Variants in BANP observed in about 807,000 individuals in gnomAD.
BANP encodes the protein protein BANP.
Under a neutral mutation model 68.1 loss-of-function variants are expected in BANP, and 11 were observed. The ratio of observed to expected loss-of-function variants is 0.16; its 90% CI spans 0.10 to 0.27. BANP has a LOEUF of 0.27. Among genes scored for constraint, BANP ranks in the 10% least tolerant of loss-of-function variants. The probability of loss-of-function intolerance (pLI) is 1.00; values close to 1 mark genes in which losing one functional copy is unlikely to be tolerated. For missense variants in BANP, 504 were observed against 722.7 expected, an observed-to-expected ratio of 0.70 and a Z score of 3.47; for synonymous variants, 329 against 303.2, an observed-to-expected ratio of 1.09 and a Z score of -0.88.
At chr16:88,050,865 T>G (rs984048601) in intron 11 of BANP, among the ~76,000 whole-genome samples, 2 of 151,996 alleles carry the variant, frequency 1.3e-5, no homozygotes, top group African/African-American at 4.8e-5. Context: ...TTTTTTTATT[T>G]TTATAGAGAC....
intron 6 of BANP, among the ~76,000 whole-genome samples, chr16:88,015,088 G>A (rs1439067878): frequency 7.4e-6 from 1 of 135,246 alleles, no homozygotes; most frequent in Admixed American, 7.4e-5. Flanking sequence ...TCCTCTGCCT[G>A]TCCCCTCTGC....
chr16:88,070,750 ATTT>A (rs1309391086), intron 12 of BANP, among the ~76,000 whole-genome samples: 2 of 152,074 alleles, frequency 1.3e-5, no homozygotes, highest in African/African-American at 4.8e-5. Context: ...GGCACAAAAT[ATTT>A]TTTTGCATTT....
intron 11 of BANP, among the ~76,000 whole-genome samples, chr16:88,060,418 G>C (rs1172137054): frequency 6.6e-6 from 1 of 152,238 alleles, no homozygotes; most frequent in African/African-American, 2.4e-5. Context: ...AGGGAGATCA[G>C]CTGACGTTGG....
rs374490211 is a variant in BANP at position 88,046,878 on chromosome 16, A to G, written c.1311+8867A>G. 1.5e-3 allele frequency among the ~76,000 whole-genome samples: 229 copies of G among 152,134 alleles called. 2 individuals carry two copies. Among genetic ancestry groups the G allele is most frequent in the African/African-American group, 5.4e-3 (226 of 41,502 alleles). The stretch of plus-strand genomic sequence containing the variant: ...TCAGGAGATCGAGACCGTCCTGGCT[A>G]ACACGGTGAAACCCCGTCTCTACTA... On this transcript the variant is annotated intron_variant, in intron 11 of 13. Coordinates refer to ENST00000682872, the MANE Select transcript of BANP (RefSeq NM_001386991.1).
At chr16:88,021,518 G>A (rs1452396556) in intron 7 of BANP, among the ~76,000 whole-genome samples, 2 of 152,206 alleles carry the variant, frequency 1.3e-5, no homozygotes, top group Non-Finnish European at 2.9e-5. Context: ...ATGGACCAGG[G>A]CTGTGCCTTC....
At chr16:88,070,431 T>C (rs2090010970) in intron 12 of BANP, among the ~76,000 whole-genome samples, 1 of 152,194 alleles carries the variant, frequency 6.6e-6, no homozygotes, top group Non-Finnish European at 1.5e-5. Context: ...ATATTCCTTC[T>C]TGTATAGCAT....
chr16:87,997,151 G>T (rs563152561), intron 4 of BANP, among the ~76,000 whole-genome samples: 1 of 152,206 alleles, frequency 6.6e-6, no homozygotes, highest in Non-Finnish European at 1.5e-5. Flanking sequence ...TAGAAATGGG[G>T]TCTCACTGTG....
At position 87,989,436 on chromosome 16, in the gene BANP, C is replaced by T. The variant is rs192037684; in HGVS notation, c.362+5177C>T. Reference sequence around the variant, plus strand: ...GGGATCCAGGGCACGCACATGCTCACGTTTATATAGGTAAATGTTAACATC... The same window carrying T: ...GGGATCCAGGGCACGCACATGCTCATGTTTATATAGGTAAATGTTAACATC... On this transcript the variant is annotated intron_variant, in intron 4 of 13. Coordinates refer to ENST00000682872, the MANE Select transcript of BANP (RefSeq NM_001386991.1). Among the ~76,000 whole-genome samples the T allele has an allele frequency of 3.3e-5, 5 of 152,354 alleles. No individual in the cohort carries two copies. In the Middle Eastern group the frequency reaches 0.01, roughly 311 times the overall value.
intron 4 of BANP, among the ~76,000 whole-genome samples, chr16:87,999,041 T>G (rs560059615): frequency 0.011 from 1,418 of 128,072 alleles, 27 homozygotes; most frequent in African/African-American, 0.039. Context: ...TGTGCGGCTG[T>G]ACTTACCTGT....
At chr16:88,026,305 G>A (rs1003672918) in intron 7 of BANP, among the ~76,000 whole-genome samples, 24 of 152,354 alleles carry the variant, frequency 1.6e-4, no homozygotes, top group African/African-American at 5.8e-4. Flanking sequence ...GGCCCTGCCC[G>A]TAAGGAGTTT....
intron 8 of BANP, 104 bp downstream of exon 8, chr16:88,027,754 GCCGGGAGC>G (rs2077279943): frequency 7.2e-7 from 1 of 1,385,924 alleles, no homozygotes; most frequent in South Asian, 1.2e-5. Context: ...TCCACCAGTG[GCCGGGAGC>G]CGAGGCCAGA....
chr16:87,963,358 A>T (rs763579628), intron 1 of BANP: 1 of 152,266 alleles, frequency 6.6e-6, no homozygotes, highest in Non-Finnish European at 1.5e-5. Flanking sequence ...AGCAGGGAAT[A>T]TACTCAGTTC....
intron 1 of BANP, among the ~76,000 whole-genome samples, chr16:87,966,426 T>A (rs1393857825): frequency 1.3e-5 from 2 of 152,218 alleles, no homozygotes; most frequent in Admixed American, 1.3e-4. Flanking sequence ...GCAAATTTAA[T>A]TTGCCAAAAT....
upstream of BANP, among the ~76,000 whole-genome samples, chr16:87,950,192 C>T (rs2056679364): frequency 1.3e-5 from 2 of 152,004 alleles, no homozygotes; most frequent in South Asian, 4.1e-4. Flanking sequence ...TTTCTTTTTC[C>T]CAGTGAAAAT....
At chr16:88,007,148 A>T (rs979479623) in intron 6 of BANP, among the ~76,000 whole-genome samples, 3 of 152,042 alleles carry the variant, frequency 2.0e-5, no homozygotes, top group African/African-American at 7.2e-5. Context: ...AGTCATTTTT[A>T]GCCAGTTTTG....
At chr16:87,992,994 C>T (rs772666164) in intron 4 of BANP, among the ~76,000 whole-genome samples, 4 of 152,224 alleles carry the variant, frequency 2.6e-5, no homozygotes, top group African/African-American at 7.2e-5. Context: ...ATGACCGTTT[C>T]TCACACTTCC....
intron 6 of BANP, among the ~76,000 whole-genome samples, chr16:88,006,498 T>C (rs1001185472): frequency 8.0e-5 from 12 of 150,732 alleles, no homozygotes; most frequent in Non-Finnish European, 1.5e-4. Context: ...AATACAAAAT[T>C]AGCCGGGTGT....
chr16:88,073,771 C>G (rs1361680249), intron 13 of BANP, among the ~76,000 whole-genome samples: 1 of 152,212 alleles, frequency 6.6e-6, no homozygotes, highest in East Asian at 1.9e-4. Context: ...TGAGGGCGTC[C>G]TGCTGCATTA....
chr16:87,954,067 C>T (rs901839307), intron 1 of BANP, among the ~76,000 whole-genome samples: 1 of 152,028 alleles, frequency 6.6e-6, no homozygotes, highest in African/African-American at 2.4e-5. Flanking sequence ...CTGGGAAGTT[C>T]CCTTGTTCTG....
Sources: gnomAD v4.1 joint callset for allele counts (sites outside exome capture counted in the v4.1 genomes callset) on GRCh38, gnomAD v4.1.1 for gene constraint, MANE v1.5 for transcripts, NCBI Gene and HGNC (gene_info 2026-07-23, HGNC 2026-07-21) for gene names.